The following PCTP variants were observed in gnomAD, a reference collection of about 807,000 sequenced individuals.
PCTP encodes the protein START domain-containing protein 2.
PCTP carries 27 observed loss-of-function variants against 31.0 expected under a neutral mutation model. The observed-to-expected ratio is 0.87, with a 90% CI of 0.64 to 1.20. The LOEUF is 1.20. PCTP is among the 50% of genes most tolerant of loss of function. PCTP has a pLI of 0.00. For synonymous variants in PCTP, 108 were observed against 101.2 expected, an observed-to-expected ratio of 1.07 and a Z score of -0.40; for missense variants, 287 against 268.2, an observed-to-expected ratio of 1.07 and a Z score of -0.49.
chr17:55,838,032 C>A (rs972364804), intron 5 of PCTP, among the ~76,000 whole-genome samples: 1 of 151,808 alleles, frequency 6.6e-6, no homozygotes, highest in Non-Finnish European at 1.5e-5. Context: ...GTCCCAGCTA[C>A]TTGGAGGCTG....
the PCTP span, among the ~76,000 whole-genome samples, chr17:55,847,907 T>TTTTTTG: frequency 9.9e-5 from 15 of 152,170 alleles, no homozygotes; most frequent in East Asian, 7.8e-4. Context: ...CAGAATAATG[T>TTTTTTG]TTTTTGTTTT....
intron 3 of PCTP, among the ~76,000 whole-genome samples, chr17:55,788,362 C>T (rs1291012637): frequency 1.3e-5 from 2 of 152,132 alleles, no homozygotes; most frequent in East Asian, 3.8e-4. Context: ...CTATGGAACA[C>T]CTTCTCCTAT....
At chr17:55,788,329 TG>T (rs2144999636) in intron 3 of PCTP, among the ~76,000 whole-genome samples, 1 of 152,346 alleles carries the variant, frequency 6.6e-6, no homozygotes, top group Non-Finnish European at 1.5e-5. Context: ...TATTGATCTC[TG>T]GTGAATTGTG....
intron 3 of PCTP, among the ~76,000 whole-genome samples, chr17:55,821,253 AT>A (rs1468200906): frequency 5.3e-5 from 8 of 152,232 alleles, no homozygotes; most frequent in Non-Finnish European, 1.2e-4. Flanking sequence ...CTTTGAAAAC[AT>A]TATGTCAAAT....
chr17:55,816,619 C>T lies in PCTP; in HGVS notation c.318-6142C>T, dbSNP rs1034405741. Among the ~76,000 whole-genome samples the T allele has an allele frequency of 2.6e-5, 4 of 152,162 alleles. No individual in the cohort carries two copies. The South Asian group carries it at 8.3e-4, about 32-fold the overall frequency. ...AAAGACAGCCTATGAGTCATAGCTT[C>T]CCCTAGGTGAGGTCCCACAGACATG... On this transcript the variant is annotated intron_variant, in intron 3 of 3. Transcript: ENST00000572536.
At chr17:55,812,712 G>A (rs1289646072) in intron 3 of PCTP, among the ~76,000 whole-genome samples, 1 of 152,198 alleles carries the variant, frequency 6.6e-6, no homozygotes, top group African/African-American at 2.4e-5. Context: ...TTGTTGAGAT[G>A]GAGCCTCACC....
At chr17:55,774,752 T>G in intron 4 of PCTP, 40 bp from the exon 5 acceptor site, 3 of 1,505,736 alleles carry the variant, frequency 2.0e-6, no homozygotes, top group Non-Finnish European at 2.8e-6. Context: ...TTTTCTGGTA[T>G]TTTTCCTTTT....
intron 5 of PCTP, among the ~76,000 whole-genome samples, chr17:55,831,108 T>C (rs1905579930): frequency 6.6e-6 from 1 of 152,164 alleles, no homozygotes; most frequent in Non-Finnish European, 1.5e-5. Flanking sequence ...CAAAGTGGGC[T>C]GAGACCGGAG....
intron 1 of PCTP, among the ~76,000 whole-genome samples, chr17:55,757,769 G>A (rs1910123943): frequency 6.6e-6 from 1 of 152,188 alleles, no homozygotes. Flanking sequence ...TGGATGGGGA[G>A]CATCTAGCAT....
rs554972708 is a variant in PCTP, at chr17:55,751,623, G to A, written c.141+379G>A. On this transcript the variant is annotated intron_variant, in intron 1 of 5. Transcript: ENST00000268896. ...GTGGCATATGGGGGCTGGGGTGGGG[G>A]AGGGGCGGTATCTTAGGGCTTGGAT... 1.4e-5 allele frequency: 9 copies of A among 659,910 alleles called. No homozygotes were observed. The African/African-American group carries it at 1.8e-4, about 13-fold the overall frequency. 40.9% of individuals were successfully genotyped at this position (659,910 alleles called of 1,614,324 possible). A position where few individuals can be genotyped will look rare whatever the true frequency, so the allele number is the denominator to read the frequency against.
chr17:55,751,181 CG>C lies in PCTP; in HGVS notation c.82del (p.Ala28ProfsTer6). 2 of 1,548,892 alleles carry C rather than the reference CG, an allele frequency of 1.3e-6. No homozygotes were observed. Among genetic ancestry groups the C allele is most frequent in the Non-Finnish European group, 1.7e-6 (2 of 1,146,302 alleles). On this transcript the variant is annotated frameshift_variant, in exon 1 of 6. Coordinates refer to ENST00000268896, the MANE Select transcript of PCTP (RefSeq NM_021213.4). LOFTEE classifies it high-confidence loss of function. ...CCGAGCTCCAGCAGCCCGCTCTGGC[CG>C]GGGCCGACTGGCAGCTCCTAGTGGA... ...CAELQQPALA[G>X]ADWQLLVETS...
intron 3 of PCTP, among the ~76,000 whole-genome samples, chr17:55,816,456 A>G (rs753705624): frequency 2.0e-4 from 31 of 152,224 alleles, no homozygotes; most frequent in Non-Finnish European, 3.5e-4. Context: ...AGGCTATATT[A>G]GTTACTTGAT....
intron 3 of PCTP, among the ~76,000 whole-genome samples, chr17:55,772,101 C>G (rs985063868): frequency 6.6e-6 from 1 of 152,094 alleles, no homozygotes; most frequent in Admixed American, 6.5e-5. Flanking sequence ...ATCACATGAG[C>G]TGAGAAAGTT....
At position 55,776,725 on chromosome 17, in the gene PCTP, G is replaced by T. The variant is rs1353727474; in HGVS notation, c.*625G>T. 5.9e-5 allele frequency: 70 copies of T among 1,190,692 alleles called. No individual in the cohort carries two copies. The highest frequency in any genetic ancestry group is 7.0e-5 in the Non-Finnish European group (67 of 962,266). The allele number at this position is 1,190,692 out of a possible 1,614,324, so 73.8% of individuals were successfully genotyped here. A position where few individuals can be genotyped will look rare whatever the true frequency, so the allele number is the denominator to read the frequency against. On this transcript the variant is annotated 3_prime_UTR_variant, in exon 6 of 6. Coordinates refer to ENST00000268896, the MANE Select transcript of PCTP (RefSeq NM_021213.4). ...TCCTACTTGTGGAGGATCAGTAGCT[G>T]TTATGATGCCAGACCATTTGGAGAA...
At chr17:55,845,887 GGTGTGTGTGT>G (rs34179575), downstream of PCTP, among the ~76,000 whole-genome samples, 36 of 142,958 alleles carry the variant, frequency 2.5e-4, no homozygotes, top group African/African-American at 6.8e-4. Flanking sequence ...AGAGGGTTGG[GGTGTGTGTGT>G]GTGTGTGTGT....
intron 3 of PCTP, among the ~76,000 whole-genome samples, chr17:55,794,574 T>A (rs1422976658): frequency 6.6e-6 from 1 of 152,030 alleles, no homozygotes; most frequent in Non-Finnish European, 1.5e-5. Flanking sequence ...TCTTAAGTTA[T>A]GGGTTATATG....
intron 3 of PCTP, among the ~76,000 whole-genome samples, chr17:55,803,936 A>C (rs2145031917): frequency 6.6e-6 from 1 of 152,156 alleles, no homozygotes; most frequent in Admixed American, 6.5e-5. Context: ...CAACCGACAG[A>C]ATGGGAGAAA....
chr17:55,820,279 GGCATTCCT>G (rs1482954673), intron 3 of PCTP, among the ~76,000 whole-genome samples: 2 of 152,132 alleles, frequency 1.3e-5, no homozygotes, highest in African/African-American at 4.8e-5. Flanking sequence ...TCTGATAAGG[GGCATTCCT>G]GTTGCTATAA....
intron 5 of PCTP, among the ~76,000 whole-genome samples, chr17:55,830,307 A>G (rs945798479): frequency 3.3e-5 from 5 of 152,162 alleles, no homozygotes; most frequent in Non-Finnish European, 7.4e-5. Context: ...TGACTGCCAC[A>G]TTGTTATCTG....
Sources: allele counts gnomAD v4.1 joint callset (sites outside exome capture counted in the v4.1 genomes callset), GRCh38; gene constraint gnomAD v4.1.1; transcripts MANE v1.5; gene names NCBI Gene and HGNC (gene_info 2026-07-23, HGNC 2026-07-21).